DNAH5: variants seen among roughly 807,000 people sequenced by gnomAD.
DNAH5 encodes the protein axonemal beta dynein heavy chain 5.
A neutral mutation model predicts 518.2 loss-of-function variants in DNAH5; 372 were observed. That is an observed-to-expected ratio of 0.72 (90% confidence interval 0.66 to 0.78). DNAH5 has a LOEUF of 0.78. Ranked by LOEUF, DNAH5 falls within the 30% of genes least tolerant of loss-of-function variation. The pLI, the probability that DNAH5 is intolerant of heterozygous loss-of-function variation, is 0.00. For missense variants in DNAH5, 5,523 were observed against 5,687.0 expected, an observed-to-expected ratio of 0.97 and a Z score of 0.93; for synonymous variants, 2,039 against 2,025.9, an observed-to-expected ratio of 1.01 and a Z score of -0.17.
At chr5:13,769,779 G>C (rs947585970) in intron 56 of DNAH5, among the ~76,000 whole-genome samples, 164 bp from the exon 57 acceptor site, 7 of 152,192 alleles carry the variant, frequency 4.6e-5, no homozygotes, top group Non-Finnish European at 1.0e-4. Flanking sequence ...ATCCAGTCTT[G>C]ACTCTAGACT....
intron 1 of DNAH5, among the ~76,000 whole-genome samples, chr5:13,989,213 T>G (rs1172805703): frequency 3.9e-5 from 6 of 152,112 alleles, no homozygotes; most frequent in Non-Finnish European, 8.8e-5. Flanking sequence ...ACTATTTCTT[T>G]CTAATGATTC....
At chr5:13,806,100 T>C (rs1197963414) in intron 47 of DNAH5, among the ~76,000 whole-genome samples, 1 of 152,160 alleles carries the variant, frequency 6.6e-6, no homozygotes, top group Non-Finnish European at 1.5e-5. Context: ...TCAAATAATG[T>C]TATAATTATA....
intron 17 of DNAH5, among the ~76,000 whole-genome samples, chr5:13,890,379 C>A: frequency 6.7e-6 from 1 of 150,242 alleles, no homozygotes; most frequent in Non-Finnish European, 1.5e-5. Flanking sequence ...TGCACTCCAG[C>A]CTGGGCAACA....
intron 65 of DNAH5, among the ~76,000 whole-genome samples, chr5:13,744,020 A>G (rs914524612): frequency 1.3e-5 from 2 of 152,104 alleles, no homozygotes; most frequent in African/African-American, 4.8e-5. Context: ...TATCGAAGGC[A>G]TGTCTGCATC....
chr5:13,829,398 C>T, intron 38 of DNAH5, 112 bp downstream of exon 38: 1 of 1,057,696 alleles, frequency 9.5e-7, no homozygotes, highest in East Asian at 2.5e-5. Flanking sequence ...TACTCAGTGT[C>T]AATAAAATCC....
At chr5:13,882,858 AAAG>A (rs765281287) in intron 20 of DNAH5, 43 bp from the exon 21 acceptor site, 5 of 1,613,864 alleles carry the variant, frequency 3.1e-6, no homozygotes, top group East Asian at 4.5e-5. Context: ...CCTATCTGTA[AAAG>A]AAGTGGTTTC....
Position 13,823,269 on chromosome 5 carries a change from A to T in DNAH5, c.6681T>A (p.Ser2227Arg). 6.2e-7 allele frequency: 1 copy of T among 1,600,750 alleles called. No homozygotes were observed. The highest frequency in any genetic ancestry group is 8.6e-7 in the Non-Finnish European group (1 of 1,167,812). ...AGYPELEAAI[S>R]RQVEEAGLIN... The stretch of plus-strand genomic sequence containing the variant: ...GCCCTGTGAAGCATATTACCTGTCT[A>T]CTAATTGCTGCTTCCAGTTCAGGGT... The change falls in exon 40 of 79, where the codon AGT becomes AGA. Residue 2227 changes from serine to arginine, a missense_variant. This residue lies in a region of DNAH5 where 5,121 missense variants were observed against 5,223.3 expected (regional missense o/e 0.98). Transcript: ENST00000265104.
chr5:13,876,692 T>C lies in DNAH5; in HGVS notation c.3388A>G (p.Thr1130Ala), dbSNP rs1418083842. Reference protein sequence around the residue: ...VSVLSTIINSTKKEVITSMDC... With the variant: ...VSVLSTIINSAKKEVITSMDC... ...AGACCCTCTTGACATACCTTTTTGG[T>C]GGAGTTGATAATTGTGCTAAGCACA... The change falls in exon 22 of 79, where the codon ACC (threonine) becomes GCC (alanine). Residue 1130 changes from threonine to alanine, a missense_variant. Thr to Ala is a moderately conservative substitution (Grantham distance 58, BLOSUM62 0). Coordinates refer to ENST00000265104, the MANE Select transcript of DNAH5 (RefSeq NM_001369.3). The C allele has an allele frequency of 3.1e-6, 5 of 1,613,548 alleles. No homozygotes were observed. Among genetic ancestry groups the C allele is most frequent in the Non-Finnish European group, 3.4e-6 (4 of 1,179,730 alleles).
chr5:13,890,951 C>G (rs1561516468), intron 17 of DNAH5, 25 bp downstream of exon 17: 1 of 1,612,850 alleles, frequency 6.2e-7, no homozygotes, highest in South Asian at 1.1e-5. Context: ...AAACCTTAAA[C>G]AAAAAAAATC....
chr5:13,835,102 C>T (rs1339509127), intron 35 of DNAH5, among the ~76,000 whole-genome samples: 3 of 152,016 alleles, frequency 2.0e-5, no homozygotes, highest in Non-Finnish European at 4.4e-5. Context: ...CTGGCCAACA[C>T]GGTGAAACCC....
At chr5:13,943,091 A>G (rs1021171521) in intron 1 of DNAH5, among the ~76,000 whole-genome samples, 1 of 152,226 alleles carries the variant, frequency 6.6e-6, no homozygotes, top group African/African-American at 2.4e-5. Flanking sequence ...CTCAAAACAT[A>G]GTTCATGTCA....
intron 30 of DNAH5, among the ~76,000 whole-genome samples, chr5:13,854,777 A>G (rs1313683145): frequency 1.3e-5 from 2 of 152,230 alleles, no homozygotes; most frequent in African/African-American, 4.8e-5. Flanking sequence ...AAAGAAGGGT[A>G]TTACATAATG....
chr5:13,794,411 C>A (rs1338594327), intron 47 of DNAH5, among the ~76,000 whole-genome samples: 2 of 152,190 alleles, frequency 1.3e-5, no homozygotes, highest in Non-Finnish European at 2.9e-5. Flanking sequence ...CTATAACCAG[C>A]AACAAAGTTA....
At chr5:13,773,175 T>C (rs373238786) in intron 55 of DNAH5, among the ~76,000 whole-genome samples, 8 of 152,148 alleles carry the variant, frequency 5.3e-5, no homozygotes, top group Admixed American at 5.2e-4. Context: ...AGGCTGTAAA[T>C]AGACTAAATT....
At chr5:13,880,953 TAAAGTTCACTCACAGATTG>T (rs1297819514) in intron 21 of DNAH5, among the ~76,000 whole-genome samples, 3 of 151,838 alleles carry the variant, frequency 2.0e-5, no homozygotes, top group Non-Finnish European at 4.4e-5. Context: ...CATTCCACCT[TAAAGTTCACTCACAGATTG>T]AAAGTGAAGG....
chr5:13,762,743 GT>G lies in DNAH5; in HGVS notation c.10259del (p.Asn3420ThrfsTer7). 6.2e-7 allele frequency: 1 copy of G among 1,614,022 alleles called. No homozygotes were observed. Among genetic ancestry groups the G allele is most frequent in the Non-Finnish European group, 8.5e-7 (1 of 1,179,952 alleles). ...TKAMASFFSINKEVLPLKANL... is the reference protein window; with the variant it reads ...TKAMASFFSIXKEVLPLKANL... ...TTACCTTCAGAGGCAGTACTTCTTT[GT>G]TTATAGAAAAGAAGGAAGCCATAGC... On this transcript the variant is annotated frameshift_variant, in exon 60 of 79. Transcript: ENST00000265104. LOFTEE classifies it high-confidence loss of function.
At chr5:13,814,007 C>A (rs1366192638) in intron 43 of DNAH5, among the ~76,000 whole-genome samples, 2 of 151,890 alleles carry the variant, frequency 1.3e-5, no homozygotes, top group Non-Finnish European at 2.9e-5. Flanking sequence ...ATTTATATAG[C>A]AAAATATCTA....
chr5:13,748,453 T>C (rs1182891464), intron 65 of DNAH5, among the ~76,000 whole-genome samples: 2 of 152,214 alleles, frequency 1.3e-5, no homozygotes, highest in Non-Finnish European at 2.9e-5. Flanking sequence ...GCATTGAATC[T>C]ATAAATTACT....
Position 13,844,886 on chromosome 5 carries a change from T to C in DNAH5, c.5222A>G (p.His1741Arg). ...QASDSHTIQA[H>R]LLNVFDNIKS... ...AATGTTGTCAAACACATTCAGCAAA[T>C]GGGCCTGTATAGTGTGGGAGTCCGA... Residue 1741 changes from histidine to arginine, a missense_variant, in exon 32 of 79, where the codon CAT becomes CGT. Transcript: ENST00000265104. 3 of 1,614,158 alleles carry C rather than the reference T, an allele frequency of 1.9e-6. No homozygotes were observed. Among genetic ancestry groups the C allele is most frequent in the South Asian group, 1.1e-5 (1 of 91,084 alleles).
Sources: allele counts gnomAD v4.1 joint callset (sites outside exome capture counted in the v4.1 genomes callset), GRCh38; gene constraint gnomAD v4.1.1; regional missense constraint gnomAD v4.1.1; transcripts MANE v1.5; gene names NCBI Gene and HGNC (gene_info 2026-07-23, HGNC 2026-07-21).